The following TANC1 variants were observed in gnomAD, a reference collection of about 807,000 sequenced individuals.
TANC1 encodes protein TANC1.
In TANC1, 77 loss-of-function variants were observed where a neutral mutation model predicts 149.7. That is an observed-to-expected ratio of 0.51 (90% CI 0.43 to 0.62). TANC1 has a LOEUF of 0.62. Among genes scored for constraint, TANC1 ranks in the 20% least tolerant of loss-of-function variants. The pLI, the probability that TANC1 is intolerant of heterozygous loss-of-function variation, is 0.00. For missense variants in TANC1, 1,985 were observed against 2,321.8 expected (o/e 0.85, Z 2.98); for synonymous variants, 854 against 925.0 (o/e 0.92, Z 1.39).
At chr2:158,973,005 T>C (rs2149166980) in intron 1 of TANC1, among the ~76,000 whole-genome samples, 1 of 152,264 alleles carries the variant, frequency 6.6e-6, no homozygotes, top group Admixed American at 6.5e-5. Context: ...TTAGCTGTGT[T>C]GCTGATGGAA....
rs547018763 is a variant in TANC1, at chr2:158,974,872, A to G, written c.-126+6090A>G. On this transcript the variant is annotated intron_variant, in intron 1 of 26. Coordinates refer to ENST00000263635, the MANE Select transcript of TANC1 (RefSeq NM_033394.3). ...CTCAGCCTCCTAAGTAGCTGGGAGT[A>G]CAGGTGCACACCACCACACCCAGCT... is the stretch of plus-strand genomic sequence containing the variant. Among the ~76,000 whole-genome samples the G allele has an allele frequency of 4.0e-5, 6 of 151,348 alleles. No individual in the cohort carries two copies. The East Asian group carries it at 1.2e-3, about 30-fold the overall frequency.
intron 3 of TANC1, among the ~76,000 whole-genome samples, chr2:159,067,678 T>G (rs2042788112): frequency 6.6e-6 from 1 of 152,180 alleles, no homozygotes; most frequent in Non-Finnish European, 1.5e-5. Context: ...CAGCATAAAG[T>G]TACCTCCTAA....
At chr2:159,051,878 A>G (rs2041502037) in intron 2 of TANC1, among the ~76,000 whole-genome samples, 1 of 152,190 alleles carries the variant, frequency 6.6e-6, no homozygotes. Context: ...GTTCCTAACC[A>G]TGAAAACAAA....
chr2:159,091,891 TGTA>T (rs992638612), intron 3 of TANC1, among the ~76,000 whole-genome samples: 8 of 151,852 alleles, frequency 5.3e-5, no homozygotes, highest in African/African-American at 1.9e-4. Context: ...TGCTTTTAGT[TGTA>T]GTCTTCTGAA....
intron 2 of TANC1, among the ~76,000 whole-genome samples, chr2:159,055,279 C>G (rs986847956): frequency 6.6e-6 from 1 of 152,232 alleles, no homozygotes; most frequent in Admixed American, 6.5e-5. Flanking sequence ...GGTTCATACT[C>G]AAACCCTAGG....
chr2:159,192,487 G>A (rs1400285256), intron 16 of TANC1, among the ~76,000 whole-genome samples: 1 of 152,022 alleles, frequency 6.6e-6, no homozygotes, highest in Non-Finnish European at 1.5e-5. Context: ...GAATTTCCTG[G>A]TTTTGTTGAG....
In TANC1 at chr2:159,210,531, A is replaced by G. The variant is rs144243664; in HGVS notation, c.3245-6966A>G. ...AAAAGCTCTCTCACTGCTGTTTCCA[A>G]TACGTTCAGATTGTTGTCAGGTTTT... On this transcript the variant is annotated intron_variant, in intron 19 of 26. Transcript: ENST00000263635. Among the ~76,000 whole-genome samples the G allele has an allele frequency of 7.8e-3, 1,183 of 152,158 alleles. 11 individuals are homozygous for G. Among genetic ancestry groups the G allele is most frequent in the Non-Finnish European group, 0.013 (892 of 67,982 alleles).
At chr2:159,080,447 G>A (rs1313478682) in intron 3 of TANC1, among the ~76,000 whole-genome samples, 1 of 152,162 alleles carries the variant, frequency 6.6e-6, no homozygotes, top group Non-Finnish European at 1.5e-5. Context: ...CTTCTGCCCC[G>A]TACGATCAGA....
At chr2:159,064,798 G>A (rs371345171) in intron 2 of TANC1, among the ~76,000 whole-genome samples, 1 of 152,318 alleles carries the variant, frequency 6.6e-6, no homozygotes, top group East Asian at 1.9e-4. Context: ...GAGAGGTGGT[G>A]TGTGGTGTGT....
At chr2:159,200,011 G>C (rs2058131651) in intron 19 of TANC1, among the ~76,000 whole-genome samples, 1 of 152,216 alleles carries the variant, frequency 6.6e-6, no homozygotes, top group East Asian at 1.9e-4. Flanking sequence ...CAGGCGCAGA[G>C]AAAGTACAGA....
rs758223663 is a variant in TANC1, at chr2:159,229,620, ACT to A, written c.4197_4198del (p.Cys1400SerfsTer52). 1.9e-6 allele frequency: 3 copies of A among 1,613,768 alleles called. No individual in the cohort carries two copies. Among genetic ancestry groups the A allele is most frequent in the South Asian group, 1.1e-5 (1 of 91,052 alleles). ...TGGCTGACCTGCAAGAGGCTGTGAA[ACT>A]CTGTCCCACCAATCAGGAAGTCAAG... ...ALADLQEAVK[L>X]CPTNQEVKRL... is the part of the protein sequence containing the mutation. On this transcript the variant is annotated frameshift_variant, in exon 27 of 27. Transcript: ENST00000263635. LOFTEE classifies it low-confidence loss of function (END_TRUNC).
At chr2:159,011,344 A>G (rs553276937) in intron 2 of TANC1, among the ~76,000 whole-genome samples, 1 of 152,200 alleles carries the variant, frequency 6.6e-6, no homozygotes, top group South Asian at 2.1e-4. Flanking sequence ...ACAAAAAAAA[A>G]CCTTTTTTAA....
chr2:159,163,582 G>A, intron 8 of TANC1, 36 bp downstream of exon 8: 2 of 1,591,986 alleles, frequency 1.3e-6, no homozygotes, highest in Non-Finnish European at 1.7e-6. Flanking sequence ...GATTATCTCA[G>A]GGATACCAAG....
intron 8 of TANC1, among the ~76,000 whole-genome samples, chr2:159,164,240 C>A (rs542557470): frequency 1.3e-5 from 2 of 152,124 alleles, no homozygotes; most frequent in South Asian, 4.2e-4. Flanking sequence ...TTCATCCAGC[C>A]ATGGAGCAGA....
At chr2:159,123,421 G>A (rs1053311534) in intron 4 of TANC1, among the ~76,000 whole-genome samples, 1 of 152,134 alleles carries the variant, frequency 6.6e-6, no homozygotes, top group African/African-American at 2.4e-5. Flanking sequence ...TTAGGGAGGG[G>A]TCGTGGAGCA....
chr2:159,122,660 G>T (rs543776691), intron 4 of TANC1, among the ~76,000 whole-genome samples: 1 of 152,036 alleles, frequency 6.6e-6, no homozygotes, highest in African/African-American at 2.4e-5. Flanking sequence ...TTCAGATGTC[G>T]TGTTTAGAAT....
chr2:159,202,243 G>T lies in TANC1; in HGVS notation c.3244+3190G>T, dbSNP rs537695733. Among the ~76,000 whole-genome samples, 5 of 152,274 alleles carry T rather than the reference G, an allele frequency of 3.3e-5. No homozygotes were observed. The East Asian group carries it at 7.7e-4, about 23-fold the overall frequency. On this transcript the variant is annotated intron_variant, in intron 19 of 26. Coordinates refer to ENST00000263635, the MANE Select transcript of TANC1 (RefSeq NM_033394.3). ...TTAGAGCCCTGCACATCTGACTGCT[G>T]GTGACCCTGAGTCAATGAATGTCAT...
intron 1 of TANC1, among the ~76,000 whole-genome samples, chr2:158,985,276 G>C (rs1473090459): frequency 2.0e-5 from 3 of 152,192 alleles, no homozygotes; most frequent in Admixed American, 2.0e-4. Context: ...TGCAGAAAAG[G>C]AAGCAAGCTC....
At chr2:159,112,818 C>T (rs962877144) in intron 4 of TANC1, among the ~76,000 whole-genome samples, 1 of 152,008 alleles carries the variant, frequency 6.6e-6, no homozygotes, top group Admixed American at 6.5e-5. Context: ...TAGCCTCAAG[C>T]TATCCCCCAG....
Sources: gnomAD v4.1 joint callset for allele counts (sites outside exome capture counted in the v4.1 genomes callset) on GRCh38, gnomAD v4.1.1 for gene constraint, MANE v1.5 for transcripts, NCBI Gene and HGNC (gene_info 2026-07-23, HGNC 2026-07-21) for gene names.